RBFOX1: variants seen among roughly 807,000 people sequenced by gnomAD.
RBFOX1 encodes the protein RNA binding protein fox-1 homolog 1.
In RBFOX1, 8 loss-of-function variants were observed where a neutral mutation model predicts 57.7. The observed-to-expected ratio is 0.14, with a 90% CI of 0.08 to 0.25. The LOEUF is 0.25. Among genes scored for constraint, RBFOX1 ranks in the 10% least tolerant of loss-of-function variants. The pLI, the probability that RBFOX1 is intolerant of heterozygous loss-of-function variation, is 1.00. For synonymous variants in RBFOX1, 326 were observed against 222.4 expected (o/e 1.47, Z -4.15); for missense variants, 611 against 548.5 (o/e 1.11, Z -1.14).
intron 4 of RBFOX1, among the ~76,000 whole-genome samples, chr16:7,206,110 C>A (rs551299740): frequency 6.6e-6 from 1 of 152,256 alleles, no homozygotes; most frequent in Admixed American, 6.5e-5. Context: ...GAAGTGCTTA[C>A]CTGATAGTCT....
intron 5 of RBFOX1, among the ~76,000 whole-genome samples, chr16:7,558,506 T>C (rs2037558251): frequency 6.6e-6 from 1 of 152,132 alleles, no homozygotes; most frequent in Non-Finnish European, 1.5e-5. Flanking sequence ...TTCGTATATG[T>C]ATATACATAT....
At chr16:7,237,085 G>A (rs1211790187) in intron 4 of RBFOX1, among the ~76,000 whole-genome samples, 1 of 152,140 alleles carries the variant, frequency 6.6e-6, no homozygotes, top group South Asian at 2.1e-4. Flanking sequence ...GTGGGGTTTG[G>A]GTGGCAGCCA....
chr16:7,031,901 C>A (rs1343851404), intron 3 of RBFOX1, among the ~76,000 whole-genome samples: 1 of 152,124 alleles, frequency 6.6e-6, no homozygotes, highest in Non-Finnish European at 1.5e-5. Context: ...TCTCCCTGAT[C>A]AGTATAATTA....
chr16:6,946,562 C>T (rs2079562331), intron 3 of RBFOX1, among the ~76,000 whole-genome samples: 1 of 152,130 alleles, frequency 6.6e-6, no homozygotes, highest in Non-Finnish European at 1.5e-5. Flanking sequence ...AAGCTTCTTG[C>T]ATTTAAAACC....
At chr16:7,089,434 C>T (rs11642961) in intron 4 of RBFOX1, among the ~76,000 whole-genome samples, 25,610 of 151,826 alleles carry the variant, frequency 0.17, 2,907 homozygotes, top group African/African-American at 0.32. Flanking sequence ...GTGGGATTGT[C>T]GCCTCAATAA....
intron 3 of RBFOX1, among the ~76,000 whole-genome samples, chr16:6,692,611 C>G (rs932603448): frequency 6.8e-6 from 1 of 147,770 alleles, no homozygotes; most frequent in African/African-American, 2.5e-5. Flanking sequence ...CCTCCTTCCA[C>G]CATGCACTTT....
At chr16:6,861,823 G>GT (rs35138717) in intron 3 of RBFOX1, among the ~76,000 whole-genome samples, 19,396 of 92,414 alleles carry the variant, frequency 0.21, 1,829 homozygotes, top group East Asian at 0.24. Flanking sequence ...GCGTCCCTTG[G>GT]TTTTTTTTTT....
chr16:7,611,321 C>G (rs370448800), intron 10 of RBFOX1, among the ~76,000 whole-genome samples: 10 of 152,226 alleles, frequency 6.6e-5, no homozygotes, highest in African/African-American at 1.4e-4. Context: ...CGTGGTGGCT[C>G]ACGCCTTTAA....
intron 1 of RBFOX1, among the ~76,000 whole-genome samples, chr16:5,389,115 C>G (rs967228277): frequency 6.6e-6 from 1 of 151,618 alleles, no homozygotes; most frequent in South Asian, 2.1e-4. Flanking sequence ...GGCGTGAACC[C>G]GGGAGGCGGA....
At chr16:6,365,263 G>A (rs138278714) in intron 2 of RBFOX1, among the ~76,000 whole-genome samples, 1 of 151,974 alleles carries the variant, frequency 6.6e-6, no homozygotes, top group Non-Finnish European at 1.5e-5. Flanking sequence ...TGGATGGGGG[G>A]ATAGGTGGAT....
At chr16:7,209,877 C>T (rs1356283981) in intron 4 of RBFOX1, among the ~76,000 whole-genome samples, 3 of 152,120 alleles carry the variant, frequency 2.0e-5, no homozygotes, top group African/African-American at 4.8e-5. Context: ...CTCTCAAGGT[C>T]TTGAAAATGC....
intron 3 of RBFOX1, among the ~76,000 whole-genome samples, chr16:6,788,090 C>T (rs1050797360): frequency 6.6e-6 from 1 of 151,980 alleles, no homozygotes; most frequent in Non-Finnish European, 1.5e-5. Context: ...GGTGTGGTGG[C>T]GCATGCCTGT....
At chr16:7,424,360 A>G (rs1217999630) in intron 4 of RBFOX1, among the ~76,000 whole-genome samples, 1 of 152,122 alleles carries the variant, frequency 6.6e-6, no homozygotes, top group Non-Finnish European at 1.5e-5. Flanking sequence ...CCCAGGTTCA[A>G]GCGATGCTCC....
chr16:6,467,449 G>A (rs1318986566), intron 2 of RBFOX1, among the ~76,000 whole-genome samples: 1 of 151,988 alleles, frequency 6.6e-6, no homozygotes, highest in Non-Finnish European at 1.5e-5. Flanking sequence ...TTTATGTCCA[G>A]GCAAGGTGAC....
At chr16:6,704,426 C>G (rs1364191443) in intron 3 of RBFOX1, 2 of 152,260 alleles carry the variant, frequency 1.3e-5, no homozygotes, top group Non-Finnish European at 2.9e-5. Context: ...TGCTCACCGT[C>G]TCTGCCCACA....
chr16:5,952,766 G>T (rs919040915), intron 4 of RBFOX1, among the ~76,000 whole-genome samples: 1 of 151,998 alleles, frequency 6.6e-6, no homozygotes, highest in Admixed American at 6.6e-5. Context: ...GATTTGTGTG[G>T]GTGTCTTGTG....
chr16:6,584,027 G>T (rs1042217934), intron 2 of RBFOX1, among the ~76,000 whole-genome samples: 13 of 150,318 alleles, frequency 8.6e-5, no homozygotes, highest in South Asian at 2.1e-4. Flanking sequence ...ACTCAAAATT[G>T]TAGGATTCCT....
At chr16:7,193,069 T>G (rs1278322882) in intron 4 of RBFOX1, among the ~76,000 whole-genome samples, 1 of 152,210 alleles carries the variant, frequency 6.6e-6, no homozygotes, top group East Asian at 1.9e-4. Context: ...TGGGTTACAC[T>G]GCAAAGGAAA....
intron 3 of RBFOX1, among the ~76,000 whole-genome samples, chr16:7,018,440 C>T (rs2094025639): frequency 6.6e-6 from 1 of 152,092 alleles, no homozygotes; most frequent in African/African-American, 2.4e-5. Context: ...CTTAATTGCT[C>T]CTGTTTTTGA....
Sources: gnomAD v4.1 joint callset for allele counts (sites outside exome capture counted in the v4.1 genomes callset) on GRCh38, gnomAD v4.1.1 for gene constraint, MANE v1.5 for transcripts, NCBI Gene and HGNC (gene_info 2026-07-23, HGNC 2026-07-21) for gene names.